WDR82: variants seen among roughly 807,000 people sequenced by gnomAD.
The protein encoded by WDR82 is WD repeat-containing protein 82.
WDR82 carries 8 observed loss-of-function variants against 36.1 expected under a neutral mutation model. That is an observed-to-expected ratio of 0.22 (90% CI 0.13 to 0.40). WDR82 has a LOEUF of 0.40. Ranked by LOEUF, WDR82 falls within the 10% of genes least tolerant of loss-of-function variation. The probability of loss-of-function intolerance (pLI) is 1.00; values close to 1 mark genes in which losing one functional copy is unlikely to be tolerated. For missense variants in WDR82, 185 were observed against 400.5 expected, an observed-to-expected ratio of 0.46 and a Z score of 4.59; for synonymous variants, 129 against 137.8, an observed-to-expected ratio of 0.94 and a Z score of 0.45.
chr3:52,270,679 C>A, intron 2 of WDR82, 33 bp downstream of exon 2: 1 of 1,537,408 alleles, frequency 6.5e-7, no homozygotes, highest in South Asian at 1.2e-5. Flanking sequence ...CAAAGGAAAC[C>A]ATGACCTTAA....
At chr3:52,275,130 A>C (rs1700191778) in intron 1 of WDR82, among the ~76,000 whole-genome samples, 1 of 152,000 alleles carries the variant, frequency 6.6e-6, no homozygotes, top group Non-Finnish European at 1.5e-5. Flanking sequence ...CTGAGGCAGG[A>C]GAATCGCTTG....
At chr3:52,277,227 G>A (rs1487065732) in intron 1 of WDR82, among the ~76,000 whole-genome samples, 1 of 152,032 alleles carries the variant, frequency 6.6e-6, no homozygotes, top group Admixed American at 6.6e-5. Context: ...ACTAGTTTTT[G>A]GCTCCAAGGA....
rs1156718418 is a variant in WDR82 at position 52,257,312 on chromosome 3, G to C, written c.*178C>G. The C allele has an allele frequency of 1.3e-6, 1 of 768,360 alleles. No individual in the cohort carries two copies. Among genetic ancestry groups the C allele is most frequent in the Non-Finnish European group, 2.1e-6 (1 of 483,482 alleles). The allele number at this position is 768,360 out of a possible 1,614,324, so 47.6% of individuals were successfully genotyped here. A position where few individuals can be genotyped will look rare whatever the true frequency, so the allele number is the denominator to read the frequency against. Reference sequence around the variant, plus strand: ...TTGCACCAAGAGTCCTTTTGAAGACGCTCATCAAAGTAATTATTTTCTTTT... The same window carrying C: ...TTGCACCAAGAGTCCTTTTGAAGACCCTCATCAAAGTAATTATTTTCTTTT... On this transcript the variant is annotated 3_prime_UTR_variant, in exon 9 of 9. Coordinates refer to ENST00000296490, the MANE Select transcript of WDR82 (RefSeq NM_025222.4).
At chr3:52,262,176 T>A (rs962509861) in intron 3 of WDR82, among the ~76,000 whole-genome samples, 1 of 152,228 alleles carries the variant, frequency 6.6e-6, no homozygotes, top group South Asian at 2.1e-4. Flanking sequence ...TATGAACTGA[T>A]CCATTTACAC....
intron 2 of WDR82, among the ~76,000 whole-genome samples, chr3:52,270,088 T>C (rs957451834): frequency 5.3e-5 from 8 of 152,238 alleles, no homozygotes; most frequent in African/African-American, 1.9e-4. Flanking sequence ...TATCACTTGC[T>C]GTGTATCAAG....
At position 52,258,855 on chromosome 3, in the gene WDR82, T is replaced by C. The variant is rs150340112; in HGVS notation, c.770-177A>G. 3.2e-3 allele frequency among the ~76,000 whole-genome samples: 488 copies of C among 152,344 alleles called. 1 individual carries two copies. Among genetic ancestry groups the C allele is most frequent in the African/African-American group, 0.011 (437 of 41,582 alleles). On this transcript the variant is annotated intron_variant, in intron 7 of 8. Coordinates refer to ENST00000296490, the MANE Select transcript of WDR82 (RefSeq NM_025222.4). ...ACACTTTGGAAATTTATCTTGACCC[T>C]AGCTATTTGTTCACAGGCATGTCAC... is the stretch of plus-strand genomic sequence containing the variant.
At chr3:52,270,360 C>T (rs563317691) in intron 2 of WDR82, among the ~76,000 whole-genome samples, 1 of 152,346 alleles carries the variant, frequency 6.6e-6, no homozygotes, top group Admixed American at 6.5e-5. Context: ...CCTCAGTGAT[C>T]CGCCCACCTC....
intron 3 of WDR82, among the ~76,000 whole-genome samples, chr3:52,262,764 TC>T (rs1700072497): frequency 6.6e-6 from 1 of 152,194 alleles, no homozygotes; most frequent in Admixed American, 6.5e-5. Flanking sequence ...CTGCACCAGC[TC>T]CTCAAGTTAA....
intron 7 of WDR82, 40 bp downstream of exon 7, chr3:52,259,157 C>G (rs752964091): frequency 2.6e-6 from 4 of 1,547,306 alleles, no homozygotes; most frequent in Non-Finnish European, 2.7e-6. Context: ...ATGCATAGTA[C>G]CAGAGAAATA....
chr3:52,270,415 G>T (rs539915707), intron 2 of WDR82, among the ~76,000 whole-genome samples: 1 of 152,186 alleles, frequency 6.6e-6, no homozygotes, highest in African/African-American at 2.4e-5. Context: ...CCTACGCCCG[G>T]CTTTAAAAGC....
intron 1 of WDR82, among the ~76,000 whole-genome samples, chr3:52,272,239 C>G (rs1259314714): frequency 6.6e-6 from 1 of 152,118 alleles, no homozygotes; most frequent in African/African-American, 2.4e-5. Context: ...CTAACACATA[C>G]TGGTTAAGTT....
intron 1 of WDR82, among the ~76,000 whole-genome samples, chr3:52,277,258 C>A (rs564959499): frequency 1.3e-5 from 2 of 151,966 alleles, no homozygotes; most frequent in East Asian, 1.9e-4. Flanking sequence ...CACAGGCGTG[C>A]GGTGAGGAGG....
At chr3:52,273,674 G>A (rs1238297133) in intron 1 of WDR82, among the ~76,000 whole-genome samples, 1 of 152,144 alleles carries the variant, frequency 6.6e-6, no homozygotes, top group Non-Finnish European at 1.5e-5. Context: ...TGGCTGGAGT[G>A]CAGAGGCACG....
chr3:52,275,019 C>G (rs1401782452), intron 1 of WDR82, among the ~76,000 whole-genome samples: 4 of 152,052 alleles, frequency 2.6e-5, no homozygotes, highest in African/African-American at 9.7e-5. Context: ...GTCGGGAATT[C>G]GAGACCAGCC....
At chr3:52,269,295 T>C (rs1700132754) in intron 2 of WDR82, among the ~76,000 whole-genome samples, 1 of 151,604 alleles carries the variant, frequency 6.6e-6, no homozygotes, top group Admixed American at 6.6e-5. Flanking sequence ...ACTAACATGG[T>C]GAAGTCCCAA....
At position 52,256,106 on chromosome 3, in the gene WDR82, G is replaced by A. The variant is rs1700004623; in HGVS notation, c.*1384C>T. ...AAGCAAAAAGGGGGCTAATACTGCA[G>A]AGATGGCCCCAAAGTGCAGCTTGAG... is the stretch of plus-strand genomic sequence containing the variant. On this transcript the variant is annotated 3_prime_UTR_variant, in exon 9 of 9. Coordinates refer to ENST00000296490, the MANE Select transcript of WDR82 (RefSeq NM_025222.4). 1 of 153,894 alleles carries A rather than the reference G, an allele frequency of 6.5e-6. No individual in the cohort carries two copies. The highest frequency in any genetic ancestry group is 1.5e-5 in the Non-Finnish European group (1 of 68,078). 9.5% of individuals were successfully genotyped at this position (153,894 alleles called of 1,614,324 possible). A position where few individuals can be genotyped will look rare whatever the true frequency, so the allele number is the denominator to read the frequency against.
intron 7 of WDR82, 75 bp from the exon 8 acceptor site, chr3:52,258,753 G>C: frequency 6.3e-7 from 1 of 1,597,276 alleles, no homozygotes; most frequent in South Asian, 1.1e-5. Flanking sequence ...GACATGGATT[G>C]AGATCTGAGG....
At chr3:52,266,246 C>G (rs1700104985) in intron 3 of WDR82, among the ~76,000 whole-genome samples, 1 of 152,076 alleles carries the variant, frequency 6.6e-6, no homozygotes, top group Non-Finnish European at 1.5e-5. Flanking sequence ...TGGAAGGCCT[C>G]ATAAACACAA....
intron 2 of WDR82, among the ~76,000 whole-genome samples, chr3:52,268,956 A>T (rs1700129590): frequency 6.6e-6 from 1 of 152,098 alleles, no homozygotes; most frequent in Non-Finnish European, 1.5e-5. Flanking sequence ...CTGGGACTAC[A>T]GGCGCGTCCC....
Sources: gnomAD v4.1 joint callset for allele counts (sites outside exome capture counted in the v4.1 genomes callset) on GRCh38, gnomAD v4.1.1 for gene constraint, MANE v1.5 for transcripts, NCBI Gene and HGNC (gene_info 2026-07-23, HGNC 2026-07-21) for gene names.